Variants in OSBPL8 observed in about 807,000 individuals in gnomAD.
OSBPL8 encodes the protein oxysterol binding protein like 8.
Under a neutral mutation model 125.5 loss-of-function variants are expected in OSBPL8, and 59 were observed. That is an observed-to-expected ratio of 0.47 (90% CI 0.38 to 0.58). OSBPL8 has a LOEUF of 0.58. OSBPL8 is among the 20% of genes least tolerant of loss of function. The pLI is 0.00. For synonymous variants in OSBPL8, 330 were observed against 338.9 expected (o/e 0.97, Z 0.29); for missense variants, 758 against 1,047.8 (o/e 0.72, Z 3.82).
chr12:76,399,981 T>C lies in OSBPL8; in HGVS notation c.367-7A>G. The C allele has an allele frequency of 6.3e-7, 1 of 1,580,378 alleles. No homozygotes were observed. Among genetic ancestry groups the C allele is most frequent in the Non-Finnish European group, 8.6e-7 (1 of 1,165,362 alleles). ...GGTAATTTTTCTTTTGTACCTATTT[T>C]ATAGAAATAATAGAAAAGATAAAAA... On this transcript the variant is annotated splice_region_variant and splice_polypyrimidine_tract_variant and intron_variant, in intron 6 of 23. Coordinates refer to ENST00000261183, the MANE Select transcript of OSBPL8 (RefSeq NM_020841.5).
intron 1 of OSBPL8, among the ~76,000 whole-genome samples, chr12:76,510,431 C>T (rs528174096): frequency 6.6e-6 from 1 of 152,304 alleles, no homozygotes; most frequent in South Asian, 2.1e-4. Flanking sequence ...AACAAGAAAT[C>T]ATTACTATCA....
chr12:76,487,226 C>T lies in OSBPL8; in HGVS notation c.42+284G>A, dbSNP rs371859887. 7.2e-4 allele frequency among the ~76,000 whole-genome samples: 110 copies of T among 151,748 alleles called. 2 individuals carry two copies. The highest frequency in any genetic ancestry group is 2.6e-3 in the African/African-American group (107 of 41,386). On this transcript the variant is annotated intron_variant, in intron 2 of 23. Coordinates refer to ENST00000261183, the MANE Select transcript of OSBPL8 (RefSeq NM_020841.5). ...TGTATTTTTAATAGAGACAGGGTTT[C>T]GCCATTGTTGCCCAGGCTGGTCTTG...
At position 76,362,249 on chromosome 12, in the gene OSBPL8, C is replaced by T. The variant is rs896234955; in HGVS notation, c.2329-3438G>A. On this transcript the variant is annotated intron_variant, in intron 21 of 23. Coordinates refer to ENST00000261183, the MANE Select transcript of OSBPL8 (RefSeq NM_020841.5). ...GAGACACAACAAAAAAAATTTCAGG[C>T]CAATATTCCTGATGAACATCGATGC... Among the ~76,000 whole-genome samples, 7 of 152,014 alleles carry T rather than the reference C, an allele frequency of 4.6e-5. 1 individual carries two copies. In the Middle Eastern group the frequency reaches 0.02, roughly 443 times the overall value.
chr12:76,362,379 T>C (rs1952240334), intron 21 of OSBPL8, among the ~76,000 whole-genome samples: 1 of 151,946 alleles, frequency 6.6e-6, no homozygotes, highest in African/African-American at 2.4e-5. Context: ...GGGTTCAACA[T>C]ATGCAAATCA....
intron 1 of OSBPL8, among the ~76,000 whole-genome samples, chr12:76,508,107 GT>G (rs1459995178): frequency 5.3e-5 from 8 of 151,358 alleles, no homozygotes; most frequent in African/African-American, 1.9e-4. Flanking sequence ...GGAGGCGGAG[GT>G]TGCAGTGAGC....
intron 17 of OSBPL8, 95 bp downstream of exon 17, chr12:76,375,178 T>C (rs1400878286): frequency 1.3e-6 from 1 of 785,274 alleles, no homozygotes; most frequent in Non-Finnish European, 2.0e-6. Flanking sequence ...TTCTTACATT[T>C]AGTCCTTAAT....
At chr12:76,412,359 G>A (rs1269027220) in intron 4 of OSBPL8, among the ~76,000 whole-genome samples, 1 of 152,118 alleles carries the variant, frequency 6.6e-6, no homozygotes, top group African/African-American at 2.4e-5. Context: ...GCTATGGGAA[G>A]TGATTACACG....
At chr12:76,379,682 T>A (rs896889386) in intron 15 of OSBPL8, among the ~76,000 whole-genome samples, 1 of 152,214 alleles carries the variant, frequency 6.6e-6, no homozygotes, top group African/African-American at 2.4e-5. Context: ...TTCATCCACA[T>A]TGTTGTATAA....
chr12:76,431,209 T>G (rs1326720563), intron 4 of OSBPL8, among the ~76,000 whole-genome samples: 1 of 151,784 alleles, frequency 6.6e-6, no homozygotes. Context: ...AAATGTTTTA[T>G]GTGAATACCA....
rs1951936293 is a variant in OSBPL8 at position 76,355,149 on chromosome 12, A to C, written c.*740T>G. 1 of 152,532 alleles carries C rather than the reference A, an allele frequency of 6.6e-6. No homozygotes were observed. Among genetic ancestry groups the C allele is most frequent in the Admixed American group, 6.5e-5 (1 of 15,274 alleles). 9.4% of individuals were successfully genotyped at this position (152,532 alleles called of 1,614,324 possible). A position where few individuals can be genotyped will look rare whatever the true frequency, so the allele number is the denominator to read the frequency against. On this transcript the variant is annotated 3_prime_UTR_variant, in exon 24 of 24. Coordinates refer to ENST00000261183, the MANE Select transcript of OSBPL8 (RefSeq NM_020841.5). ...CCACACTTTTTTCAGCAAGTGCTTA[A>C]GGTGGTATTATAATCAATCCAATTA... is the stretch of plus-strand genomic sequence containing the variant.
Position 76,382,923 on chromosome 12 carries a change from T to C in OSBPL8, c.1630+1331A>G, listed in dbSNP as rs572501938. Among the ~76,000 whole-genome samples the C allele has an allele frequency of 3.3e-5, 5 of 152,344 alleles. No individual in the cohort carries two copies. In the East Asian group the frequency reaches 9.6e-4, roughly 29 times the overall value. On this transcript the variant is annotated intron_variant, in intron 15 of 23. Coordinates refer to ENST00000261183, the MANE Select transcript of OSBPL8 (RefSeq NM_020841.5). ...CTCTAGGTCCATTCTCTTCCAGGGC[T>C]GTGTACTGTAGTTACATGTGTTAAA...
chr12:76,555,464 A>C (rs894824714), intron 1 of OSBPL8, among the ~76,000 whole-genome samples: 1 of 152,226 alleles, frequency 6.6e-6, no homozygotes, highest in African/African-American at 2.4e-5. Flanking sequence ...TGAGTCATCT[A>C]GATGAGTCAA....
intron 1 of OSBPL8, among the ~76,000 whole-genome samples, chr12:76,507,897 G>A (rs923602650): frequency 2.0e-5 from 3 of 151,164 alleles, no homozygotes; most frequent in Non-Finnish European, 4.4e-5. Flanking sequence ...ATGGCTGGGC[G>A]CGGTGGCTCA....
intron 22 of OSBPL8, among the ~76,000 whole-genome samples, chr12:76,358,175 CTTTTTTTTT>C (rs60714321): frequency 5.0e-5 from 5 of 100,200 alleles, no homozygotes; most frequent in Non-Finnish European, 7.7e-5. Context: ...GAGTGTGGTT[CTTTTTTTTT>C]TTTTTTTTTT....
intron 5 of OSBPL8, among the ~76,000 whole-genome samples, chr12:76,404,967 C>T (rs570830546): frequency 2.6e-4 from 40 of 152,220 alleles, no homozygotes; most frequent in African/African-American, 7.7e-4. Context: ...AGTTGTATCC[C>T]TCTTTTACTA....
chr12:76,493,832 T>C (rs530996986), intron 1 of OSBPL8, among the ~76,000 whole-genome samples: 23 of 152,190 alleles, frequency 1.5e-4, no homozygotes, highest in Non-Finnish European at 2.2e-4. Flanking sequence ...ATTCTACAAA[T>C]GTTAGCTCTT....
At chr12:76,401,203 A>G (rs1954039541) in intron 6 of OSBPL8, among the ~76,000 whole-genome samples, 1 of 152,194 alleles carries the variant, frequency 6.6e-6, no homozygotes, top group Non-Finnish European at 1.5e-5. Context: ...TGAATTGATG[A>G]CTGTTAACCT....
chr12:76,520,750 G>A (rs935048103), intron 1 of OSBPL8, among the ~76,000 whole-genome samples: 3 of 152,052 alleles, frequency 2.0e-5, no homozygotes, highest in East Asian at 1.9e-4. Flanking sequence ...GTGACAAGAC[G>A]GAGGAATGAA....
intron 4 of OSBPL8, among the ~76,000 whole-genome samples, chr12:76,435,377 T>C (rs1871330823): frequency 6.6e-6 from 1 of 152,082 alleles, no homozygotes; most frequent in Admixed American, 6.6e-5. Flanking sequence ...AGAATTAGAA[T>C]AGTGGTTGCT....
Sources: gnomAD v4.1 joint callset for allele counts (sites outside exome capture counted in the v4.1 genomes callset) on GRCh38, gnomAD v4.1.1 for gene constraint, MANE v1.5 for transcripts, NCBI Gene and HGNC (gene_info 2026-07-23, HGNC 2026-07-21) for gene names.